Variants in SFI1 observed in about 807,000 individuals in gnomAD.
SFI1 encodes protein SFI1 homolog.
A neutral mutation model predicts 207.5 loss-of-function variants in SFI1; 195 were observed. The observed-to-expected ratio is 0.94, with a 90% CI of 0.84 to 1.06. The LOEUF is 1.06. Among genes scored for constraint, SFI1 ranks in the 50% least tolerant of loss-of-function variants. The pLI, the probability that SFI1 is intolerant of heterozygous loss-of-function variation, is 0.00. For missense variants in SFI1, 1,634 were observed against 1,588.0 expected, an observed-to-expected ratio of 1.03 and a Z score of -0.49; for synonymous variants, 630 against 598.9, an observed-to-expected ratio of 1.05 and a Z score of -0.76.
chr22:31,505,030 C>G (rs911297943), intron 1 of SFI1, among the ~76,000 whole-genome samples: 1 of 152,144 alleles, frequency 6.6e-6, no homozygotes, highest in African/African-American at 2.4e-5. Flanking sequence ...ACCCACAACA[C>G]TGCTATTCCT....
chr22:31,568,531 CAAAAAAAAA>C lies in SFI1; in HGVS notation c.766-4510_766-4502del, dbSNP rs60447566. 1.3e-4 allele frequency among the ~76,000 whole-genome samples: 5 copies of C among 37,432 alleles called. No homozygotes were observed. In the Admixed American group the frequency reaches 1.4e-3, roughly 11 times the overall value. 24.6% of individuals were successfully genotyped at this position (37,432 alleles called of 152,430 possible). ...TGGGCGACAGGGTGAGACCCTGTCT[CAAAAAAAAA>C]AAAAAAAAAAAAAAAAGCATTAGAA... On this transcript the variant is annotated intron_variant, in intron 8 of 32. Coordinates refer to ENST00000400288, the MANE Select transcript of SFI1 (RefSeq NM_001007467.3).
chr22:31,611,946 TA>T (rs2070228479), intron 24 of SFI1, 106 bp downstream of exon 24: 1 of 1,496,006 alleles, frequency 6.7e-7, no homozygotes, highest in African/African-American at 1.4e-5. Context: ...TCAGTATTTT[TA>T]CTATCACCCT....
intron 18 of SFI1, 43 bp downstream of exon 18, chr22:31,603,862 A>T (rs772111088): frequency 2.6e-6 from 4 of 1,551,886 alleles, no homozygotes; most frequent in Non-Finnish European, 3.5e-6. Flanking sequence ...TGACTTTTGG[A>T]CAGGTGGGCT....
chr22:31,598,116 T>C (rs144181292), intron 15 of SFI1, among the ~76,000 whole-genome samples: 1,626 of 151,812 alleles, frequency 0.011, 8 homozygotes, highest in Middle Eastern at 0.031. Context: ...TAGCTGGGAC[T>C]ACAGGTGCCC....
intron 3 of SFI1, among the ~76,000 whole-genome samples, chr22:31,529,742 A>C (rs62237760): frequency 0.046 from 7,048 of 152,274 alleles, 144 homozygotes; most frequent in African/African-American, 0.062. Context: ...GAACAGCCAC[A>C]CTAGTATAGC....
intron 1 of SFI1, among the ~76,000 whole-genome samples, chr22:31,502,904 A>T (rs1399289661): frequency 6.6e-6 from 1 of 151,984 alleles, no homozygotes; most frequent in Non-Finnish European, 1.5e-5. Context: ...ACTTGAGGTC[A>T]GGAATTCAAG....
chr22:31,556,211 A>AT (rs34969911), intron 6 of SFI1, among the ~76,000 whole-genome samples: 5 of 148,792 alleles, frequency 3.4e-5, no homozygotes, highest in South Asian at 2.1e-4. Flanking sequence ...TACAATTGAA[A>AT]TTTTTTTTTC....
intron 2 of SFI1, among the ~76,000 whole-genome samples, chr22:31,526,709 C>A (rs1353663918): frequency 6.6e-6 from 1 of 151,978 alleles, no homozygotes; most frequent in Non-Finnish European, 1.5e-5. Flanking sequence ...GCGTGTGCCA[C>A]CACACCCGGC....
At chr22:31,581,482 G>GT (rs1420176027) in intron 12 of SFI1, among the ~76,000 whole-genome samples, 2 of 151,868 alleles carry the variant, frequency 1.3e-5, no homozygotes, top group Admixed American at 6.6e-5. Context: ...GTAGAGACGG[G>GT]TTTTTCCCCA....
chr22:31,609,249 C>T (rs539716700), intron 22 of SFI1, among the ~76,000 whole-genome samples: 4 of 152,236 alleles, frequency 2.6e-5, no homozygotes, highest in East Asian at 2.0e-4. Flanking sequence ...CCGTCCGTCT[C>T]GGCCTCCCAA....
intron 7 of SFI1, chr22:31,559,687 C>G (rs1378639412): frequency 1.3e-6 from 1 of 789,690 alleles, no homozygotes; most frequent in African/African-American, 1.7e-5. Flanking sequence ...GTGTGATGAC[C>G]ATTATGCAGA....
upstream of SFI1, chr22:31,496,350 T>A (rs2052647495): frequency 6.6e-6 from 1 of 152,258 alleles, no homozygotes; most frequent in African/African-American, 2.4e-5. Context: ...AGAGGGTGCA[T>A]GCTCCACGCC....
intron 2 of SFI1, chr22:31,521,374 A>C (rs2057231908): frequency 6.2e-6 from 1 of 162,452 alleles, no homozygotes; most frequent in Admixed American, 6.4e-5. Flanking sequence ...GGTGCCTTTG[A>C]TGTCACTTCA....
At position 31,613,425 on chromosome 22, in the gene SFI1, G is replaced by C. The variant is rs979361662; in HGVS notation, c.2637G>C (p.Gln879His). ...AGGCGCGGCTGCAGTGGGCGCTCCA[G>C]GCCTACCAGGGGCAGCTCCTCCAGG... is the stretch of plus-strand genomic sequence containing the variant. ...RKKARLQWAL[Q>H]AYQGQLLQEG... is the part of the protein sequence containing the mutation. Residue 879 changes from glutamine to histidine, a missense_variant, in exon 26 of 33, where the codon CAG becomes CAC. Coordinates refer to ENST00000400288, the MANE Select transcript of SFI1 (RefSeq NM_001007467.3). 1.9e-6 allele frequency: 3 copies of C among 1,609,810 alleles called. No individual in the cohort carries two copies. Among genetic ancestry groups the C allele is most frequent in the Non-Finnish European group, 2.5e-6 (3 of 1,179,800 alleles).
chr22:31,591,112 C>T (rs931536979), intron 15 of SFI1, among the ~76,000 whole-genome samples: 2 of 152,000 alleles, frequency 1.3e-5, no homozygotes, highest in African/African-American at 2.4e-5. Flanking sequence ...GAGGACCCTG[C>T]GGCCTTCCGC....
chr22:31,517,651 C>A (rs1007036041), intron 2 of SFI1, among the ~76,000 whole-genome samples: 1 of 152,066 alleles, frequency 6.6e-6, no homozygotes, highest in East Asian at 1.9e-4. Flanking sequence ...AGTTAGGGAC[C>A]CTATTTCTTT....
At chr22:31,529,873 A>G (rs1413991747) in intron 3 of SFI1, among the ~76,000 whole-genome samples, 1 of 152,158 alleles carries the variant, frequency 6.6e-6, no homozygotes, top group East Asian at 1.9e-4. Context: ...TTAACTCTAT[A>G]AGACAAGCCA....
At chr22:31,556,645 C>A (rs140693566) in intron 6 of SFI1, among the ~76,000 whole-genome samples, 1 of 152,154 alleles carries the variant, frequency 6.6e-6, no homozygotes, top group Non-Finnish European at 1.5e-5. Context: ...CATATCATTT[C>A]GTCTAAAAAT....
chr22:31,505,965 C>A (rs2054569951), intron 1 of SFI1, among the ~76,000 whole-genome samples: 1 of 151,762 alleles, frequency 6.6e-6, no homozygotes, highest in Non-Finnish European at 1.5e-5. Context: ...GTGGGAGGAT[C>A]ACCTGAGCCT....
Sources: allele counts gnomAD v4.1 joint callset (sites outside exome capture counted in the v4.1 genomes callset), GRCh38; gene constraint gnomAD v4.1.1; transcripts MANE v1.5; gene names NCBI Gene and HGNC (gene_info 2026-07-23, HGNC 2026-07-21).